The following XRN1 variants were observed in gnomAD, a reference collection of about 807,000 sequenced individuals.
The protein encoded by XRN1 is strand-exchange protein 1 homolog.
XRN1 carries 67 observed loss-of-function variants against 222.3 expected under a neutral mutation model. That is an observed-to-expected ratio of 0.30 (90% CI 0.25 to 0.37). The LOEUF is 0.37. Among genes scored for constraint, XRN1 ranks in the 10% least tolerant of loss-of-function variants. The pLI, the probability that XRN1 is intolerant of heterozygous loss-of-function variation, is 1.00. For synonymous variants in XRN1, 643 were observed against 652.4 expected (o/e 0.99, Z 0.22); for missense variants, 1,707 against 2,000.2 (o/e 0.85, Z 2.80).
intron 37 of XRN1, among the ~76,000 whole-genome samples, chr3:142,322,388 GT>G (rs1420277887): frequency 6.6e-6 from 1 of 152,176 alleles, no homozygotes; most frequent in South Asian, 2.1e-4. Context: ...TGTTTTTAAA[GT>G]TTTTTTAGAG....
intron 34 of XRN1, among the ~76,000 whole-genome samples, chr3:142,334,278 T>A (rs775628970): frequency 6.6e-6 from 1 of 152,182 alleles, no homozygotes; most frequent in Non-Finnish European, 1.5e-5. Context: ...AACCGTTTAC[T>A]GGTATCTAAA....
chr3:142,327,086 A>G (rs917944712), intron 37 of XRN1, among the ~76,000 whole-genome samples: 3 of 151,830 alleles, frequency 2.0e-5, no homozygotes, highest in African/African-American at 4.8e-5. Context: ...CATTTTTTGT[A>G]GTGTCTTTCT....
rs747859961 is a variant in XRN1, at chr3:142,400,533, T to C, written c.2118A>G (p.Val706=). The C allele has an allele frequency of 2.2e-5, 35 of 1,611,034 alleles. 1 individual carries two copies. The South Asian group carries it at 3.0e-4, about 14-fold the overall frequency. Residue 706 remains valine (V), a synonymous_variant, in exon 19 of 41, where the codon GTA becomes GTG. Transcript: ENST00000392981. ...AESDELTVEN[V]ASSVLGKSVF... is the part of the protein sequence containing the mutation. Reference sequence around the variant, plus strand: ...CAGATTTTCCAAGCACTGATGAAGCTACATTTTCTACGGTCTTAAAGTAAA... The same window carrying C: ...CAGATTTTCCAAGCACTGATGAAGCCACATTTTCTACGGTCTTAAAGTAAA...
At chr3:142,367,734 T>G (rs1199643951) in intron 27 of XRN1, among the ~76,000 whole-genome samples, 1 of 151,748 alleles carries the variant, frequency 6.6e-6, no homozygotes, top group African/African-American at 2.4e-5. Context: ...TTTGTGGAGA[T>G]GTTGCCCAGA....
intron 1 of XRN1, among the ~76,000 whole-genome samples, chr3:142,433,487 G>A (rs1242513413): frequency 1.3e-5 from 2 of 152,084 alleles, no homozygotes; most frequent in African/African-American, 2.4e-5. Flanking sequence ...TGTAAGCTCC[G>A]AATAACAAAC....
At chr3:142,403,614 G>C in intron 18 of XRN1, 60 bp downstream of exon 18, 4 of 1,482,518 alleles carry the variant, frequency 2.7e-6, no homozygotes, top group Non-Finnish European at 3.7e-6. Flanking sequence ...AAACATCCCA[G>C]CAGCTACAGT....
intron 20 of XRN1, among the ~76,000 whole-genome samples, chr3:142,385,097 C>T (rs1014429777): frequency 2.0e-5 from 3 of 152,158 alleles, no homozygotes; most frequent in African/African-American, 7.2e-5. Flanking sequence ...ATATAATTAA[C>T]ACATGACCCA....
chr3:142,327,913 A>G (rs1435042266), intron 37 of XRN1, among the ~76,000 whole-genome samples: 1 of 152,140 alleles, frequency 6.6e-6, no homozygotes, highest in African/African-American at 2.4e-5. Flanking sequence ...CCACTTATAA[A>G]TGAGAACATG....
chr3:142,426,537 T>C (rs2069255784), intron 3 of XRN1: 1 of 533,984 alleles, frequency 1.9e-6, no homozygotes, highest in Admixed American at 3.4e-5. Context: ...CTCTAATTTA[T>C]CTACATCTGA....
rs111551191 is a variant in XRN1, at chr3:142,319,126, T to A, written c.4405-223A>T. Among the ~76,000 whole-genome samples the A allele has an allele frequency of 8.3e-3, 1,263 of 152,318 alleles. 18 individuals carry two copies. The highest frequency in any genetic ancestry group is 0.028 in the African/African-American group (1,158 of 41,576). ...AAGCTGGCTGAAGGGTCAATCCACC[T>A]AATGCAAATGAAAGCCAGCAAAACT... is the stretch of plus-strand genomic sequence containing the variant. On this transcript the variant is annotated intron_variant, in intron 37 of 40. Coordinates refer to ENST00000392981, the MANE Select transcript of XRN1 (RefSeq NM_001282857.2).
intron 20 of XRN1, among the ~76,000 whole-genome samples, chr3:142,392,208 C>T (rs1210052895): frequency 3.9e-5 from 6 of 152,158 alleles, no homozygotes; most frequent in Admixed American, 3.9e-4. Flanking sequence ...CTACCCTCCA[C>T]TTCCCATTCT....
chr3:142,326,346 T>A (rs970268872), intron 37 of XRN1, among the ~76,000 whole-genome samples: 5 of 152,168 alleles, frequency 3.3e-5, no homozygotes, highest in Admixed American at 1.3e-4. Flanking sequence ...TTATAATAAG[T>A]TTTCATTGTA....
chr3:142,359,754 G>A (rs773819956), intron 30 of XRN1, 108 bp downstream of exon 30: 62 of 768,032 alleles, frequency 8.1e-5, no homozygotes, highest in Middle Eastern at 2.4e-4. Flanking sequence ...TAGCAAGTAC[G>A]TCTTACACAT....
Position 142,306,657 on chromosome 3 carries a change from T to C in XRN1, c.*4854A>G, listed in dbSNP as rs1052123925. ...ATTAAAATCCATAGAGCATTTAACATGAACAGATGTTTAAACTCTTTCAGT... is the reference window on the plus strand; with the variant it reads ...ATTAAAATCCATAGAGCATTTAACACGAACAGATGTTTAAACTCTTTCAGT... On this transcript the variant is annotated 3_prime_UTR_variant, in exon 41 of 41. Transcript: ENST00000392981. The C allele has an allele frequency of 1.2e-4, 18 of 152,462 alleles. No homozygotes were observed. Among genetic ancestry groups the C allele is most frequent in the Admixed American group, 3.3e-4 (5 of 15,284 alleles). The allele number at this position is 152,462 out of a possible 1,614,324, so 9.4% of individuals were successfully genotyped here.
intron 11 of XRN1, 27 bp downstream of exon 11, chr3:142,418,788 A>G (rs1237181468): frequency 1.2e-6 from 2 of 1,608,438 alleles, no homozygotes; most frequent in Non-Finnish European, 1.7e-6. Flanking sequence ...AAGTAGTAAC[A>G]TATCAAAACA....
intron 31 of XRN1, 39 bp from the exon 32 acceptor site, chr3:142,355,535 G>C: frequency 1.6e-6 from 2 of 1,263,228 alleles, no homozygotes; most frequent in Non-Finnish European, 1.1e-6. Context: ...AAATGAAATA[G>C]GAAGAAATAA....
intron 10 of XRN1, 72 bp downstream of exon 10, chr3:142,420,944 A>G (rs1209801783): frequency 6.3e-7 from 1 of 1,587,966 alleles, no homozygotes; most frequent in Admixed American, 1.7e-5. Flanking sequence ...TAAGAAGGAA[A>G]ATGAGAAACA....
intron 24 of XRN1, chr3:142,376,162 A>G (rs2067138086): frequency 6.3e-6 from 5 of 796,080 alleles, no homozygotes; most frequent in Non-Finnish European, 9.0e-6. Flanking sequence ...TTAACAAAGC[A>G]TGTAAATAAA....
At chr3:142,431,870 T>TATTATATATATATATAATATAA (rs1204477345) in intron 2 of XRN1, among the ~76,000 whole-genome samples, 4 of 21,484 alleles carry the variant, frequency 1.9e-4, no homozygotes, top group African/African-American at 1.3e-3. Context: ...ATATAATATA[T>TATTATATATATATATAATATAA]TATATTATAT....
Sources: allele counts gnomAD v4.1 joint callset (sites outside exome capture counted in the v4.1 genomes callset), GRCh38; gene constraint gnomAD v4.1.1; transcripts MANE v1.5; gene names NCBI Gene and HGNC (gene_info 2026-07-23, HGNC 2026-07-21).